NAALADL2: variants seen among roughly 807,000 people sequenced by gnomAD.
NAALADL2 encodes N-acetylated alpha-linked acidic dipeptidase like 2.
A neutral mutation model predicts 87.2 loss-of-function variants in NAALADL2; 76 were observed. The observed-to-expected ratio is 0.87, with a 90% CI of 0.72 to 1.05. The LOEUF is 1.05. Ranked by LOEUF, NAALADL2 falls within the 50% of genes least tolerant of loss-of-function variation. The probability of loss-of-function intolerance (pLI) is 0.00; values close to 1 mark genes in which losing one functional copy is unlikely to be tolerated. For missense variants in NAALADL2, 1,089 were observed against 945.8 expected (o/e 1.15, Z -1.99); for synonymous variants, 354 against 331.0 (o/e 1.07, Z -0.75).
intron 3 of NAALADL2, among the ~76,000 whole-genome samples, chr3:174,821,846 G>T (rs984553216): frequency 3.9e-5 from 6 of 152,066 alleles, no homozygotes; most frequent in African/African-American, 1.4e-4. Context: ...TTTATTTCTG[G>T]CAGTCTCTTT....
chr3:175,778,672 ATTAT>A (rs1293450707), intron 13 of NAALADL2, among the ~76,000 whole-genome samples: 1 of 152,188 alleles, frequency 6.6e-6, no homozygotes, highest in Non-Finnish European at 1.5e-5. Flanking sequence ...AGCTCATGTA[ATTAT>A]TATAAAAACT....
intron 1 of NAALADL2, among the ~76,000 whole-genome samples, chr3:174,964,659 G>A (rs1308433154): frequency 1.3e-5 from 2 of 151,826 alleles, no homozygotes; most frequent in Non-Finnish European, 2.9e-5. Flanking sequence ...TACTGTGAGA[G>A]GTAAAGAAAA....
intron 9 of NAALADL2, among the ~76,000 whole-genome samples, chr3:175,558,402 C>T (rs978962163): frequency 1.3e-5 from 2 of 151,758 alleles, no homozygotes; most frequent in African/African-American, 4.8e-5. Context: ...TTGTTGTTTC[C>T]TTTGCTGTGT....
intron 2 of NAALADL2, among the ~76,000 whole-genome samples, chr3:174,657,110 A>G (rs1351494531): frequency 1.4e-5 from 2 of 143,396 alleles, no homozygotes; most frequent in Non-Finnish European, 3.0e-5. Context: ...GCTCACTACA[A>G]CCTCTACCTC....
intron 12 of NAALADL2, among the ~76,000 whole-genome samples, chr3:175,748,002 C>A (rs869428): frequency 0.031 from 4,663 of 152,110 alleles, 174 homozygotes; most frequent in African/African-American, 0.094. Context: ...ATTTAGAAAT[C>A]TGTTGCTTTT....
rs531826515 is a variant in NAALADL2 at position 175,488,071 on chromosome 3, A to G, written c.1653+16313A>G. Among the ~76,000 whole-genome samples the G allele has an allele frequency of 6.6e-5, 10 of 152,342 alleles. No individual in the cohort carries two copies. In the South Asian group the frequency reaches 1.0e-3, roughly 16 times the overall value. On this transcript the variant is annotated intron_variant, in intron 9 of 13. Coordinates refer to ENST00000454872, the MANE Select transcript of NAALADL2 (RefSeq NM_207015.3). ...AATGGAAAACAGTGTAGAGTTTAAT[A>G]GCATGAATAGCTGAGATATTCTCTT... is the stretch of plus-strand genomic sequence containing the variant.
chr3:174,504,660 C>T (rs1719096183), intron 1 of NAALADL2, among the ~76,000 whole-genome samples: 1 of 152,036 alleles, frequency 6.6e-6, no homozygotes, highest in African/African-American at 2.4e-5. Flanking sequence ...ATATGCTGGT[C>T]AGGAGTAAGT....
rs928428681 is a variant in NAALADL2 at position 175,463,324 on chromosome 3, G to T, written c.1235-77G>T. On this transcript the variant is annotated intron_variant, in intron 6 of 13. Coordinates refer to ENST00000454872, the MANE Select transcript of NAALADL2 (RefSeq NM_207015.3). ...TGGAATTCTTTTGCTGATGATATTG[G>T]ATAAAATAAATTTTAAGGTTTAAAA... 16 of 905,784 alleles carry T rather than the reference G, an allele frequency of 1.8e-5. No homozygotes were observed. The African/African-American group carries it at 2.6e-4, about 15-fold the overall frequency. 56.1% of individuals were successfully genotyped at this position (905,784 alleles called of 1,614,324 possible).
At chr3:175,405,255 A>G (rs1237515369) in intron 5 of NAALADL2, among the ~76,000 whole-genome samples, 1 of 152,146 alleles carries the variant, frequency 6.6e-6, no homozygotes, top group Non-Finnish European at 1.5e-5. Context: ...TTATCTCTGT[A>G]AGTTATTTTT....
At chr3:174,951,986 A>T (rs752063775) in intron 1 of NAALADL2, among the ~76,000 whole-genome samples, 1 of 152,124 alleles carries the variant, frequency 6.6e-6, no homozygotes, top group African/African-American at 2.4e-5. Context: ...GCCTCTGAAC[A>T]TGCTTTTTCT....
At chr3:174,876,555 A>G (rs1728535025) in intron 1 of NAALADL2, among the ~76,000 whole-genome samples, 2 of 152,192 alleles carry the variant, frequency 1.3e-5, no homozygotes, top group Admixed American at 1.3e-4. Flanking sequence ...GTCCTTCAAA[A>G]ATATTACTGG....
chr3:174,514,273 C>T (rs1388113353), intron 1 of NAALADL2, among the ~76,000 whole-genome samples: 3 of 152,054 alleles, frequency 2.0e-5, no homozygotes, highest in African/African-American at 4.8e-5. Flanking sequence ...CTAGCTTTAA[C>T]GGCTGTGGTC....
intron 5 of NAALADL2, among the ~76,000 whole-genome samples, chr3:175,421,259 C>G (rs1715649048): frequency 6.6e-6 from 1 of 152,082 alleles, no homozygotes; most frequent in Admixed American, 6.6e-5. Context: ...TATAGATGCT[C>G]TACCTTTCAA....
chr3:174,671,929 G>GTGA (rs57931413), intron 2 of NAALADL2, among the ~76,000 whole-genome samples: 13,844 of 150,400 alleles, frequency 0.092, 944 homozygotes, highest in South Asian at 0.25. Context: ...GTTAACTACT[G>GTGA]TGATGATGAT....
intron 13 of NAALADL2, among the ~76,000 whole-genome samples, chr3:175,762,859 C>T (rs941537429): frequency 1.3e-5 from 2 of 152,036 alleles, no homozygotes; most frequent in Non-Finnish European, 1.5e-5. Context: ...CCGAGGCAGG[C>T]GGATCACGAG....
intron 13 of NAALADL2, among the ~76,000 whole-genome samples, chr3:175,764,282 A>T (rs1419077518): frequency 6.6e-6 from 1 of 152,084 alleles, no homozygotes; most frequent in Non-Finnish European, 1.5e-5. Flanking sequence ...AACTACACTT[A>T]TATGATTGTT....
intron 3 of NAALADL2, among the ~76,000 whole-genome samples, chr3:174,745,852 C>G (rs966971924): frequency 6.6e-6 from 1 of 150,952 alleles, no homozygotes; most frequent in Non-Finnish European, 1.5e-5. Context: ...ACATAATTAT[C>G]TCAAAGGCCT....
At chr3:174,643,161 TA>T (rs1406981906) in intron 2 of NAALADL2, among the ~76,000 whole-genome samples, 4 of 152,174 alleles carry the variant, frequency 2.6e-5, no homozygotes, top group African/African-American at 9.7e-5. Context: ...GTCACTCTTA[TA>T]ATGCCAGACA....
At chr3:175,153,042 C>T (rs935092937) in intron 2 of NAALADL2, among the ~76,000 whole-genome samples, 2 of 151,948 alleles carry the variant, frequency 1.3e-5, no homozygotes, top group Non-Finnish European at 2.9e-5. Context: ...CATTGATATG[C>T]ATACCTATCT....
Sources: gnomAD v4.1 joint callset for allele counts (sites outside exome capture counted in the v4.1 genomes callset) on GRCh38, gnomAD v4.1.1 for gene constraint, MANE v1.5 for transcripts, NCBI Gene and HGNC (gene_info 2026-07-23, HGNC 2026-07-21) for gene names.